The following MRPL4 variants were observed in gnomAD, a reference collection of about 807,000 sequenced individuals.
The protein encoded by MRPL4 is mitochondrial ribosomal protein L4.
A neutral mutation model predicts 34.1 loss-of-function variants in MRPL4; 34 were observed. The ratio of observed to expected loss-of-function variants is 1.00; its 90% confidence interval spans 0.76 to 1.33. The LOEUF (loss-of-function observed/expected upper bound fraction) is 1.33, where lower values mean the gene tolerates loss of function less well. Ranked by LOEUF, MRPL4 falls within the 40% of genes most tolerant of loss-of-function variation. MRPL4 has a pLI of 0.00. For synonymous variants in MRPL4, 196 were observed against 188.3 expected, an observed-to-expected ratio of 1.04 and a Z score of -0.33; for missense variants, 402 against 434.6, an observed-to-expected ratio of 0.92 and a Z score of 0.67.
intron 8 of MRPL4, 33 bp from the exon 9 acceptor site, chr19:10,259,584 C>G: frequency 1.3e-6 from 2 of 1,489,556 alleles, no homozygotes. Flanking sequence ...CCGGCCTGAC[C>G]GGCCCCCCGC....
chr19:10,252,163 T>A, upstream of MRPL4: 1 of 1,404,320 alleles, frequency 7.1e-7, no homozygotes, highest in South Asian at 1.4e-5. Context: ...TCGCGGCGGG[T>A]AGGGCGGCGT....
At chr19:10,259,106 A>AAAAAAG in intron 8 of MRPL4, 1 of 1,198,318 alleles carries the variant, frequency 8.3e-7, no homozygotes, top group Non-Finnish European at 1.0e-6. Context: ...CTCAAAAAAA[A>AAAAAAG]AAAAAAAAAA....
chr19:10,254,208 A>G (rs2039826589), intron 3 of MRPL4, among the ~76,000 whole-genome samples: 1 of 152,176 alleles, frequency 6.6e-6, no homozygotes, highest in Admixed American at 6.6e-5. Flanking sequence ...TTGGAGAGAC[A>G]TCACTTTGCC....
chr19:10,252,297 C>G lies in MRPL4; in HGVS notation c.44C>G (p.Pro15Arg). Residue 15 changes from proline to arginine, a missense_variant, in exon 1 of 9, where the codon CCT (proline) becomes CGT (arginine). Physicochemically the swap from Pro to Arg is moderately radical, Grantham distance 103. Transcript: ENST00000253099. ...GCCGGGGCGCGGGCCTGGCTTCGGCCTACCGGCAGCCAGGTGAGGCCAGGG... is the reference window on the plus strand; with the variant it reads ...GCCGGGGCGCGGGCCTGGCTTCGGCGTACCGGCAGCCAGGTGAGGCCAGGG... The part of the protein sequence containing the change: ...VRAGARAWLR[P>R]TGSQGLSSLA... The G allele has an allele frequency of 6.2e-7, 1 of 1,610,132 alleles. No individual in the cohort carries two copies. Among genetic ancestry groups the G allele is most frequent in the Non-Finnish European group, 8.5e-7 (1 of 1,178,192 alleles).
rs2039856018 is a variant in MRPL4 at position 10,256,790 on chromosome 19, G to A, written c.410G>A (p.Arg137Gln). 10 of 1,573,154 alleles carry A rather than the reference G, an allele frequency of 6.4e-6. No homozygotes were observed. The highest frequency in any genetic ancestry group is 1.1e-5 in the South Asian group (1 of 87,230). ...PWPQKGTGRA[R>Q]HGSIRSPLWR... ...CCGCAGAAAGGCACTGGGCGGGCCC[G>A]GCATGGCAGCATCCGCTCTCCGCTC... Residue 137 changes from arginine to glutamine, a missense_variant, in exon 5 of 9, where the codon CGG (arginine) becomes CAG (glutamine). Arg to Gln is a conservative substitution (Grantham distance 43, BLOSUM62 1). Coordinates refer to ENST00000253099, the MANE Select transcript of MRPL4 (RefSeq NM_015956.3).
In MRPL4 at chr19:10,258,971, G is replaced by A. The variant is rs997887503; in HGVS notation, c.739+286G>A. The A allele has an allele frequency of 6.6e-5, 93 of 1,412,020 alleles. 2 individuals carry two copies. The South Asian group carries it at 1.4e-3, about 22-fold the overall frequency. The allele number at this position is 1,412,020 out of a possible 1,614,324, so 87.5% of individuals were successfully genotyped here. A position where few individuals can be genotyped will look rare whatever the true frequency, so the allele number is the denominator to read the frequency against. On this transcript the variant is annotated intron_variant, in intron 8 of 8. Coordinates refer to ENST00000253099, the MANE Select transcript of MRPL4 (RefSeq NM_015956.3). ...ATAAAAAAGTTAGGCGTGGCGATGT[G>A]CACCTGTAGTCCCAGCTACTCGGGG...
chr19:10,252,110 C>A (rs559555218), upstream of MRPL4: 20 of 995,568 alleles, frequency 2.0e-5, no homozygotes, highest in African/African-American at 2.6e-4. Flanking sequence ...GGGTCGGACC[C>A]CCTCCATCTT....
At chr19:10,252,207 A>AGGCTCCAGTGGCCTTGACCTCCCGC (rs2039796974), upstream of MRPL4, 1 of 1,527,694 alleles carries the variant, frequency 6.5e-7, no homozygotes, top group African/African-American at 1.4e-5. Flanking sequence ...GCGCCTCGCG[A>AGGCTCCAGTGGCCTTGACCTCCCGC]GGCTCCAGTG....
rs1481758639 is a variant in MRPL4 at position 10,252,477 on chromosome 19, G to A, written c.124+14G>A. On this transcript the variant is annotated intron_variant, in intron 2 of 8. Transcript: ENST00000253099. ...TGGCGAGCGAGGGTAAGGCAACCGG[G>A]GTGGCTCCAGGAGGGGCGGCGACAG... The A allele has an allele frequency of 6.2e-7, 1 of 1,613,936 alleles. No homozygotes were observed. The highest frequency in any genetic ancestry group is 8.5e-7 in the Non-Finnish European group (1 of 1,179,960).
chr19:10,255,209 A>G (rs1402592775), intron 4 of MRPL4: 3 of 152,286 alleles, frequency 2.0e-5, no homozygotes, highest in Non-Finnish European at 4.4e-5. Flanking sequence ...GCTGTGTGCA[A>G]GTGGCTCAGG....
chr19:10,256,840 TG>T lies in MRPL4; in HGVS notation c.445+17del. 1 of 72,282 alleles carries T rather than the reference TG, an allele frequency of 1.4e-5. No homozygotes were observed. Among genetic ancestry groups the T allele is most frequent in the Non-Finnish European group, 2.5e-5 (1 of 40,632 alleles). 4.5% of individuals were successfully genotyped at this position (72,282 alleles called of 1,614,324 possible). A position where few individuals can be genotyped will look rare whatever the true frequency, so the allele number is the denominator to read the frequency against. Reference sequence around the variant, plus strand: ...CTGGCGAGGAGGTAACAGGACAGGGTGGAGGGGGCGGGGAGGGGTGGGGGGG... The same window carrying T: ...CTGGCGAGGAGGTAACAGGACAGGGTGAGGGGGCGGGGAGGGGTGGGGGGG... On this transcript the variant is annotated intron_variant, in intron 5 of 8. Transcript: ENST00000253099.
At chr19:10,257,011 G>A (rs2039859095) in intron 5 of MRPL4, among the ~76,000 whole-genome samples, 186 bp downstream of exon 5, 2 of 152,078 alleles carry the variant, frequency 1.3e-5, no homozygotes, top group South Asian at 2.1e-4. Flanking sequence ...CCCATATAAG[G>A]GGACAGAGAT....
chr19:10,254,065 C>A (rs985154820), intron 3 of MRPL4, among the ~76,000 whole-genome samples: 1 of 152,106 alleles, frequency 6.6e-6, no homozygotes, highest in Non-Finnish European at 1.5e-5. Context: ...GTCGCCCAGG[C>A]TGGAGTGCAA....
chr19:10,252,715 G>GTAATGGTGA lies in MRPL4; in HGVS notation c.275+15_275+23dup, dbSNP rs774943374. Reference sequence around the variant, plus strand: ...CACCGCGCCCAGGTGAGCGAGGGCTGTAATGGTGAACTGAGTGGCAGAGGG... The same window carrying GTAATGGTGA: ...CACCGCGCCCAGGTGAGCGAGGGCTGTAATGGTGATAATGGTGAACTGAGTGGCAGAGGG... On this transcript the variant is annotated intron_variant, in intron 3 of 8. Transcript: ENST00000253099. 44 of 1,597,494 alleles carry GTAATGGTGA rather than the reference G, an allele frequency of 2.8e-5. No homozygotes were observed. In the East Asian group the frequency reaches 9.8e-4, roughly 36 times the overall value.
intron 8 of MRPL4, 131 bp from the exon 9 acceptor site, chr19:10,259,486 G>A (rs1249733700): frequency 6.8e-6 from 10 of 1,461,404 alleles, no homozygotes; most frequent in Non-Finnish European, 9.0e-6. Flanking sequence ...CCGGGCTGCT[G>A]GGCTCACAAA....
intron 7 of MRPL4, 32 bp downstream of exon 7, chr19:10,258,554 G>A (rs2039874604): frequency 4.3e-6 from 7 of 1,614,082 alleles, no homozygotes; most frequent in South Asian, 1.1e-5. Context: ...GGGGCAGGGG[G>A]CCCTGAGCTC....
intron 4 of MRPL4, 21 bp from the exon 5 acceptor site, chr19:10,256,687 C>G (rs774847296): frequency 6.2e-7 from 1 of 1,606,874 alleles, no homozygotes; most frequent in South Asian, 1.1e-5. Flanking sequence ...GACCTGACCC[C>G]CCTCCTCTTT....
chr19:10,258,573 G>C, intron 7 of MRPL4, 36 bp from the exon 8 acceptor site: 1 of 1,614,138 alleles, frequency 6.2e-7, no homozygotes, highest in Non-Finnish European at 8.5e-7. Context: ...TCCGTACTCT[G>C]AGGGTTCAAC....
intron 5 of MRPL4, 86 bp downstream of exon 5, chr19:10,256,911 C>G (rs2039858036): frequency 9.1e-7 from 1 of 1,094,384 alleles, no homozygotes; most frequent in Non-Finnish European, 1.3e-6. Flanking sequence ...CTGCGCACAT[C>G]TGGCATGGTA....
Sources: gnomAD v4.1 joint callset for allele counts (sites outside exome capture counted in the v4.1 genomes callset) on GRCh38, gnomAD v4.1.1 for gene constraint, MANE v1.5 for transcripts, NCBI Gene and HGNC (gene_info 2026-07-23, HGNC 2026-07-21) for gene names.